Variants in ZNF365 observed in about 807,000 individuals in gnomAD.
ZNF365 encodes the protein protein ZNF365.
In ZNF365, 22 loss-of-function variants were observed where a neutral mutation model predicts 35.0. That is an observed-to-expected ratio of 0.63 (90% CI 0.45 to 0.90). The LOEUF is 0.90. Ranked by LOEUF, ZNF365 falls within the 40% of genes least tolerant of loss-of-function variation. The pLI, the probability that ZNF365 is intolerant of heterozygous loss-of-function variation, is 0.00. For missense variants in ZNF365, 448 were observed against 500.3 expected (o/e 0.90, Z 1.00); for synonymous variants, 188 against 196.2 (o/e 0.96, Z 0.35).
chr10:62,452,882 T>A (rs1415292368), intron 3 of ZNF365, among the ~76,000 whole-genome samples: 2 of 152,268 alleles, frequency 1.3e-5, no homozygotes, highest in East Asian at 3.8e-4. Context: ...CCAAGGTCCC[T>A]TGAATCCTTC....
intron 3 of ZNF365, among the ~76,000 whole-genome samples, chr10:62,434,123 C>A (rs371691264): frequency 1.3e-5 from 2 of 152,296 alleles, no homozygotes; most frequent in South Asian, 2.1e-4. Context: ...TGTCGGAATC[C>A]GAATCAGCAG....
At chr10:62,429,867 A>G (rs1376275540) in intron 3 of ZNF365, among the ~76,000 whole-genome samples, 1 of 152,198 alleles carries the variant, frequency 6.6e-6, no homozygotes, top group Non-Finnish European at 1.5e-5. Flanking sequence ...ATCTTCTTGC[A>G]CTAGCGTTAC....
intron 2 of ZNF365, among the ~76,000 whole-genome samples, chr10:62,386,625 G>A (rs576021651): frequency 6.6e-6 from 1 of 152,326 alleles, no homozygotes; most frequent in African/African-American, 2.4e-5. Context: ...ATGGCCATGT[G>A]TGGCGTAATG....
At chr10:62,407,399 G>T (rs1041872476), downstream of ZNF365, among the ~76,000 whole-genome samples, 1 of 152,300 alleles carries the variant, frequency 6.6e-6, no homozygotes, top group South Asian at 2.1e-4. Flanking sequence ...CTGTGTACCA[G>T]TGAAACTACT....
At chr10:62,471,171 C>G (rs1302552274) in intron 4 of ZNF365, among the ~76,000 whole-genome samples, 1 of 152,056 alleles carries the variant, frequency 6.6e-6, no homozygotes, top group South Asian at 2.1e-4. Context: ...TCGAGATCAT[C>G]CTGGCTAACA....
intron 1 of ZNF365, among the ~76,000 whole-genome samples, chr10:62,374,672 G>T (rs1839283927): frequency 6.6e-6 from 1 of 152,166 alleles, no homozygotes; most frequent in African/African-American, 2.4e-5. Flanking sequence ...GGGAGAGCTG[G>T]GACCCCGGGG....
At chr10:62,467,188 G>A (rs1461475203) in intron 4 of ZNF365, among the ~76,000 whole-genome samples, 1 of 152,162 alleles carries the variant, frequency 6.6e-6, no homozygotes, top group Non-Finnish European at 1.5e-5. Context: ...AGAGATATTA[G>A]ATGTTTTCTT....
chr10:62,383,498 AGT>A (rs762338875), intron 2 of ZNF365, among the ~76,000 whole-genome samples: 2 of 152,228 alleles, frequency 1.3e-5, no homozygotes, highest in Non-Finnish European at 2.9e-5. Flanking sequence ...TCCAAAAGTA[AGT>A]GTGGCTCAGT....
intron 2 of ZNF365, 152 bp from the exon 3 acceptor site, chr10:62,388,244 T>A (rs1463783041): frequency 1.4e-6 from 1 of 724,650 alleles, no homozygotes. Flanking sequence ...GTAAATGTAA[T>A]CACAAAGAGG....
chr10:62,431,073 A>G (rs1840327183), intron 3 of ZNF365, among the ~76,000 whole-genome samples: 1 of 152,190 alleles, frequency 6.6e-6, no homozygotes, highest in Non-Finnish European at 1.5e-5. Flanking sequence ...TAAAAGTCAA[A>G]TGCTTCACCA....
At chr10:62,437,580 T>C (rs1350031413) in intron 3 of ZNF365, among the ~76,000 whole-genome samples, 3 of 152,222 alleles carry the variant, frequency 2.0e-5, no homozygotes, top group Non-Finnish European at 4.4e-5. Flanking sequence ...TCATGTTATG[T>C]TTTCCAGGCA....
intron 4 of ZNF365, among the ~76,000 whole-genome samples, chr10:62,476,564 G>C (rs1254381809): frequency 6.6e-6 from 1 of 152,212 alleles, no homozygotes; most frequent in East Asian, 1.9e-4. Flanking sequence ...TAGAGGAAAA[G>C]ATTGTTCTGC....
At chr10:62,411,287 T>C (rs563239283) in intron 3 of ZNF365, among the ~76,000 whole-genome samples, 2 of 152,250 alleles carry the variant, frequency 1.3e-5, no homozygotes, top group South Asian at 4.1e-4. Context: ...AGTTATCAGA[T>C]TCCACATGTC....
intron 4 of ZNF365, among the ~76,000 whole-genome samples, chr10:62,475,309 T>C (rs1841111221): frequency 6.6e-6 from 1 of 152,186 alleles, no homozygotes; most frequent in Non-Finnish European, 1.5e-5. Context: ...TATAGTCCCA[T>C]CTACTCAGGT....
intron 4 of ZNF365, among the ~76,000 whole-genome samples, chr10:62,468,736 T>C (rs1339250697): frequency 6.6e-6 from 1 of 152,194 alleles, no homozygotes; most frequent in Non-Finnish European, 1.5e-5. Flanking sequence ...TTATCTTGTT[T>C]GTGCCCTAAT....
At chr10:62,404,763 A>T (rs969322580), downstream of ZNF365, among the ~76,000 whole-genome samples, 1 of 152,092 alleles carries the variant, frequency 6.6e-6, no homozygotes, top group Non-Finnish European at 1.5e-5. Context: ...TAGTCTTGGG[A>T]TTCTATTGTT....
intron 3 of ZNF365, among the ~76,000 whole-genome samples, chr10:62,458,692 T>C (rs1840799948): frequency 6.6e-6 from 1 of 152,200 alleles, no homozygotes; most frequent in African/African-American, 2.4e-5. Flanking sequence ...TCTCACTTTA[T>C]TATTATTTTT....
chr10:62,445,110 A>C (rs948980383), intron 3 of ZNF365, among the ~76,000 whole-genome samples: 2 of 151,066 alleles, frequency 1.3e-5, no homozygotes, highest in Admixed American at 6.6e-5. Flanking sequence ...TGAACTCATC[A>C]TTTTTTATGG....
At chr10:62,462,927 GA>G (rs1840871603) in intron 4 of ZNF365, among the ~76,000 whole-genome samples, 1 of 152,178 alleles carries the variant, frequency 6.6e-6, no homozygotes, top group African/African-American at 2.4e-5. Flanking sequence ...TATGTCCCAT[GA>G]AAATACATTT....
Sources: allele counts gnomAD v4.1 joint callset (sites outside exome capture counted in the v4.1 genomes callset), GRCh38; gene constraint gnomAD v4.1.1; transcripts MANE v1.5; gene names NCBI Gene and HGNC (gene_info 2026-07-23, HGNC 2026-07-21).